The following TTC7A variants were observed in gnomAD, a reference collection of about 807,000 sequenced individuals.
TTC7A encodes the protein tetratricopeptide repeat domain 7A.
A neutral mutation model predicts 103.7 loss-of-function variants in TTC7A; 110 were observed. The observed-to-expected ratio is 1.06, with a 90% CI of 0.91 to 1.24. The LOEUF (loss-of-function observed/expected upper bound fraction) is 1.24, where lower values mean the gene tolerates loss of function less well. TTC7A is among the 50% of genes most tolerant of loss of function. The pLI is 0.00. For missense variants in TTC7A, 1,340 were observed against 1,116.3 expected, an observed-to-expected ratio of 1.20 and a Z score of -2.86; for synonymous variants, 521 against 467.9, an observed-to-expected ratio of 1.11 and a Z score of -1.47.
At chr2:46,938,873 T>A (rs557213897), upstream of TTC7A, among the ~76,000 whole-genome samples, 1 of 151,940 alleles carries the variant, frequency 6.6e-6, no homozygotes, top group African/African-American at 2.4e-5. Context: ...TAGCTGAGCA[T>A]GGTGGTGCAC....
Position 47,073,855 on chromosome 2 carries a change from C to T in TTC7A, c.2509C>T (p.Leu837Phe), listed in dbSNP as rs765113832. The T allele has an allele frequency of 1.2e-6, 2 of 1,613,786 alleles. No homozygotes were observed. The highest frequency in any genetic ancestry group is 1.1e-5 in the South Asian group (1 of 91,068). Reference protein sequence around the residue: ...GQNEAAVDCFLTALELEASSP... With the variant: ...GQNEAAVDCFFTALELEASSP... ...GAACGAGGCTGCCGTTGACTGCTTC[C>T]TCACCGCCCTTGAGCTGGAGGCCAG... The change falls in exon 20 of 20, where the codon CTC becomes TTC. Residue 837 changes from leucine to phenylalanine, a missense_variant. Leu to Phe is a conservative substitution (Grantham distance 22, BLOSUM62 0). Transcript: ENST00000319190.
chr2:47,029,183 A>AT (rs778285679), intron 14 of TTC7A, 41 bp from the exon 15 acceptor site: 1 of 1,608,532 alleles, frequency 6.2e-7, no homozygotes, highest in Non-Finnish European at 8.5e-7. Context: ...CCAGGGCAGC[A>AT]TGTGCCTGGG....
intron 16 of TTC7A, among the ~76,000 whole-genome samples, chr2:47,048,841 G>A (rs1389662163): frequency 6.6e-6 from 1 of 152,000 alleles, no homozygotes; most frequent in African/African-American, 2.4e-5. Flanking sequence ...GCCCTCAGGT[G>A]ATCCTCCTGC....
intron 6 of TTC7A, among the ~76,000 whole-genome samples, chr2:46,993,956 A>G (rs1675891283): frequency 6.6e-6 from 1 of 152,168 alleles, no homozygotes; most frequent in Admixed American, 6.5e-5. Flanking sequence ...CTTATGCTAT[A>G]ATTCTCCATC....
At chr2:46,968,745 T>A (rs1330636924) in intron 3 of TTC7A, among the ~76,000 whole-genome samples, 1 of 152,154 alleles carries the variant, frequency 6.6e-6, no homozygotes, top group Non-Finnish European at 1.5e-5. Context: ...TCTCCATTAT[T>A]TTTAGATAAA....
intron 2 of TTC7A, among the ~76,000 whole-genome samples, chr2:46,926,222 A>T (rs1339258249): frequency 6.6e-6 from 1 of 152,154 alleles, no homozygotes; most frequent in African/African-American, 2.4e-5. Flanking sequence ...CTCAGAGTGG[A>T]GCAGTGCTAG....
At chr2:47,042,456 C>G (rs115789126) in intron 15 of TTC7A, among the ~76,000 whole-genome samples, 5,153 of 152,182 alleles carry the variant, frequency 0.034, 161 homozygotes, top group Admixed American at 0.078. Flanking sequence ...GAGCTATGAT[C>G]ACGTCACTGC....
intron 5 of TTC7A, among the ~76,000 whole-genome samples, chr2:46,988,007 A>T (rs747837407): frequency 1.3e-5 from 2 of 152,164 alleles, no homozygotes; most frequent in Non-Finnish European, 2.9e-5. Context: ...GGAGGACAGG[A>T]GTCAGACTGT....
At chr2:46,953,306 A>G (rs1210345909) in intron 2 of TTC7A, among the ~76,000 whole-genome samples, 6 of 152,100 alleles carry the variant, frequency 3.9e-5, no homozygotes, top group Non-Finnish European at 8.8e-5. Context: ...GGCATGCACC[A>G]CCACACCCAG....
chr2:46,994,715 T>C (rs1675985050), intron 7 of TTC7A, among the ~76,000 whole-genome samples: 2 of 152,118 alleles, frequency 1.3e-5, no homozygotes, highest in Admixed American at 1.3e-4. Flanking sequence ...GATAATCCTA[T>C]AAGGCACTCG....
chr2:46,973,614 C>G (rs1006621967), intron 3 of TTC7A, among the ~76,000 whole-genome samples: 1 of 152,160 alleles, frequency 6.6e-6, no homozygotes, highest in Non-Finnish European at 1.5e-5. Context: ...AATTCCCAGT[C>G]GAGGGACTGA....
chr2:46,932,738 T>C (rs1669773773), intron 2 of TTC7A, among the ~76,000 whole-genome samples: 1 of 151,594 alleles, frequency 6.6e-6, no homozygotes, highest in African/African-American at 2.4e-5. Flanking sequence ...CCATCTCTGC[T>C]AAAGATACAA....
intron 15 of TTC7A, among the ~76,000 whole-genome samples, chr2:47,037,351 G>A (rs1681228366): frequency 6.6e-6 from 1 of 152,258 alleles, no homozygotes; most frequent in African/African-American, 2.4e-5. Context: ...TAGACAATGG[G>A]AGGGAGCTGT....
At chr2:46,984,382 G>A (rs188327683) in intron 5 of TTC7A, among the ~76,000 whole-genome samples, 2 of 152,350 alleles carry the variant, frequency 1.3e-5, no homozygotes, top group East Asian at 3.9e-4. Context: ...CCACTCTGTG[G>A]CCCTGAACAG....
At chr2:46,936,454 C>G (rs1483145398), upstream of TTC7A, among the ~76,000 whole-genome samples, 1 of 152,128 alleles carries the variant, frequency 6.6e-6, no homozygotes, top group Non-Finnish European at 1.5e-5. Flanking sequence ...TCTCTCCGGA[C>G]CCTCTGTCTG....
upstream of TTC7A, among the ~76,000 whole-genome samples, chr2:46,940,869 T>C (rs1258292870): frequency 1.3e-5 from 2 of 151,936 alleles, no homozygotes; most frequent in Non-Finnish European, 2.9e-5. This position sits in a 1 kb window ranked among gnomAD's most constrained non-coding sequence, Gnocchi z 4.7. Flanking sequence ...TCTCCCCATT[T>C]TTGTGACGTG....
At chr2:46,975,151 C>A in intron 4 of TTC7A, 48 bp downstream of exon 4, 2 of 1,606,396 alleles carry the variant, frequency 1.2e-6, no homozygotes, top group Non-Finnish European at 8.5e-7. Flanking sequence ...TATTGAGCAC[C>A]TATGTCTATG....
At chr2:47,027,967 G>T (rs181399413) in intron 14 of TTC7A, among the ~76,000 whole-genome samples, 14 of 152,254 alleles carry the variant, frequency 9.2e-5, no homozygotes, top group Non-Finnish European at 1.8e-4. Flanking sequence ...TCAGGAGTGC[G>T]CAGGCCAGGG....
intron 2 of TTC7A, among the ~76,000 whole-genome samples, chr2:46,931,466 G>T (rs1214729137): frequency 6.6e-6 from 1 of 152,184 alleles, no homozygotes; most frequent in Non-Finnish European, 1.5e-5. Flanking sequence ...TATCTTGGAT[G>T]ATCTCCATGA....
Sources: allele counts gnomAD v4.1 joint callset (sites outside exome capture counted in the v4.1 genomes callset), GRCh38; gene constraint gnomAD v4.1.1; non-coding constraint Gnocchi (gnomAD v3.1); transcripts MANE v1.5; gene names NCBI Gene and HGNC (gene_info 2026-07-23, HGNC 2026-07-21).